The following DHODH variants were observed in gnomAD, a reference collection of about 807,000 sequenced individuals.
DHODH encodes the protein dihydroorotate dehydrogenase (quinone), also known as dihydroorotate dehydrogenase (quinone), mitochondrial.
Under a neutral mutation model 39.7 loss-of-function variants are expected in DHODH, and 30 were observed. The ratio of observed to expected loss-of-function variants is 0.76; its 90% CI spans 0.57 to 1.02. The LOEUF (loss-of-function observed/expected upper bound fraction) is 1.02. Ranked by LOEUF, DHODH falls within the 50% of genes least tolerant of loss-of-function variation. DHODH has a pLI of 0.00. For synonymous variants in DHODH, 222 were observed against 213.8 expected, an observed-to-expected ratio of 1.04 and a Z score of -0.34; for missense variants, 531 against 520.8, an observed-to-expected ratio of 1.02 and a Z score of -0.19.
chr16:72,016,762 T>C (rs2041146126), intron 3 of DHODH: 3 of 445,458 alleles, frequency 6.7e-6, no homozygotes, highest in Admixed American at 3.4e-5. Context: ...GGAGTGGGGA[T>C]CCAGCAGGTC....
In DHODH at chr16:72,021,308, C is replaced by G; in HGVS notation, c.702C>G (p.Thr234=). 6.2e-7 allele frequency: 1 copy of G among 1,602,992 alleles called. No individual in the cohort carries two copies. The highest frequency in any genetic ancestry group is 8.5e-7 in the Non-Finnish European group (1 of 1,176,878). Residue 234 remains threonine (T), a synonymous_variant, in exon 5 of 9, where the codon ACC becomes ACG. Transcript: ENST00000219240. ...AGGCCGAGCTGCGCCGCCTGCTGAC[C>G]AAGGTGGGCAGCTGCACCCCTCTCC... The part of the protein sequence containing the change: ...QGKAELRRLL[T]KVLQERDGLR...
chr16:72,026,569 C>CG lies in DHODH; in HGVS notation c.*2374dup, dbSNP rs2041277864. On this transcript the variant is annotated 3_prime_UTR_variant, in exon 9 of 9. Coordinates refer to ENST00000219240, the MANE Select transcript of DHODH (RefSeq NM_001361.5). ...CTAATTTTTGTATTTTTAGTAGAGA[C>CG]GGGGTTTCACCATATTGGCCAGGCT... The CG allele has an allele frequency of 6.6e-6, 1 of 151,802 alleles. No homozygotes were observed. The highest frequency in any genetic ancestry group is 2.4e-5 in the African/African-American group (1 of 41,270). The allele number at this position is 151,802 out of a possible 1,614,324, so 9.4% of individuals were successfully genotyped here.
intron 5 of DHODH, among the ~76,000 whole-genome samples, chr16:72,021,711 C>A (rs2041219479): frequency 6.6e-6 from 1 of 152,142 alleles, no homozygotes; most frequent in African/African-American, 2.4e-5. Flanking sequence ...GCCTGTAATA[C>A]CAGCACTATG....
chr16:72,020,329 G>GTGTA (rs1453540434), intron 4 of DHODH: 22 of 102,182 alleles, frequency 2.2e-4, no homozygotes, highest in African/African-American at 9.0e-4. Context: ...ATGTATATGT[G>GTGTA]TATATATATA....
chr16:72,009,145 T>C (rs1241523026), intron 1 of DHODH: 5 of 1,133,744 alleles, frequency 4.4e-6, no homozygotes, highest in African/African-American at 1.6e-5. Context: ...CCAACCCTTT[T>C]AGGTAAAGTT....
intron 2 of DHODH, among the ~76,000 whole-genome samples, chr16:72,013,137 C>A (rs1292488133): frequency 2.6e-5 from 4 of 151,270 alleles, no homozygotes; most frequent in African/African-American, 9.9e-5. Flanking sequence ...GCCTTCACCG[C>A]ATTTTCTCTT....
At chr16:72,017,630 T>G (rs2041156074) in intron 4 of DHODH, among the ~76,000 whole-genome samples, 1 of 152,208 alleles carries the variant, frequency 6.6e-6, no homozygotes, top group Non-Finnish European at 1.5e-5. Flanking sequence ...GAAACTCATT[T>G]TTGGTTCGGG....
chr16:72,011,892 T>C (rs972052302), intron 1 of DHODH, among the ~76,000 whole-genome samples, 158 bp from the exon 2 acceptor site: 1 of 152,196 alleles, frequency 6.6e-6, no homozygotes, highest in Non-Finnish European at 1.5e-5. Flanking sequence ...GAAGTATAGA[T>C]ACAGCCTCTG....
rs781382491 is a variant in DHODH, at chr16:72,017,058, G to T, written c.469G>T (p.Glu157Ter). The change falls in exon 4 of 9, where the codon GAA becomes TAA. Residue 157 changes from glutamate to a stop codon, truncating the protein, a stop_gained. Coordinates refer to ENST00000219240, the MANE Select transcript of DHODH (RefSeq NM_001361.5). LOFTEE classifies it high-confidence loss of function. ...TAACAGTCACGGGCTTTCAGTGGTG[G>T]AACACAGGTTACGGGCCAGACAGCA... The part of the protein sequence containing the change: ...GFNSHGLSVV[E>*]HRLRARQQKQ... 1 of 1,614,084 alleles carries T rather than the reference G, an allele frequency of 6.2e-7. No individual in the cohort carries two copies. Among genetic ancestry groups the T allele is most frequent in the South Asian group, 1.1e-5 (1 of 91,076 alleles).
intron 3 of DHODH, among the ~76,000 whole-genome samples, chr16:72,014,886 A>G (rs997290309): frequency 1.8e-4 from 28 of 152,210 alleles, no homozygotes; most frequent in African/African-American, 6.8e-4. Context: ...AGTTGGGTAG[A>G]TGGAGGCTCA....
intron 5 of DHODH, among the ~76,000 whole-genome samples, chr16:72,022,158 C>T (rs1369411490): frequency 2.0e-5 from 3 of 151,700 alleles, no homozygotes; most frequent in East Asian, 1.9e-4. Flanking sequence ...CCAATGTCCA[C>T]GGGATCCCTT....
chr16:72,023,576 C>A lies in DHODH; in HGVS notation c.1076C>A (p.Thr359Asn). The A allele has an allele frequency of 6.2e-7, 1 of 1,614,094 alleles. No individual in the cohort carries two copies. The highest frequency in any genetic ancestry group is 8.5e-7 in the Non-Finnish European group (1 of 1,180,038). Residue 359 changes from threonine (T) to asparagine (N), a missense_variant, in exon 8 of 9, where the codon ACC becomes AAC. Transcript: ENST00000219240. Reference protein sequence around the residue: ...ASLVQLYTALTFWGPPVVGKV... With the variant: ...ASLVQLYTALNFWGPPVVGKV... ...CTGGTGCAGCTGTACACGGCCCTCA[C>A]CTTCTGGGGGCCACCCGTTGTGGGC...
At chr16:72,022,841 C>T (rs956178449) in intron 6 of DHODH, among the ~76,000 whole-genome samples, 6 of 152,272 alleles carry the variant, frequency 3.9e-5, no homozygotes, top group Middle Eastern at 3.4e-3. Flanking sequence ...AGACTGAGCC[C>T]GGCCATCGTG....
At chr16:72,021,338 C>A in intron 5 of DHODH, 27 bp downstream of exon 5, 2 of 1,576,908 alleles carry the variant, frequency 1.3e-6, no homozygotes, top group Non-Finnish European at 8.6e-7. Context: ...CTCTCCAGGC[C>A]CTGTCCCACC....
At chr16:72,014,896 A>G (rs752149320) in intron 3 of DHODH, among the ~76,000 whole-genome samples, 1 of 152,218 alleles carries the variant, frequency 6.6e-6, no homozygotes, top group Non-Finnish European at 1.5e-5. Flanking sequence ...ATGGAGGCTC[A>G]TAGAGCTAAA....
Position 72,014,215 on chromosome 16 carries a change from C to T in DHODH, c.235-258C>T, listed in dbSNP as rs190868719. Among the ~76,000 whole-genome samples, 376 of 152,288 alleles carry T rather than the reference C, an allele frequency of 2.5e-3. 1 individual carries two copies. Among genetic ancestry groups the T allele is most frequent in the African/African-American group, 8.2e-3 (341 of 41,558 alleles). ...CACGGTGGAAACACCATTTCTCCCC[C>T]CAGGCTTGCTAATAATAAAGCCCCG... On this transcript the variant is annotated intron_variant, in intron 2 of 8. Transcript: ENST00000219240.
intron 2 of DHODH, 21 bp downstream of exon 2, chr16:72,012,283 ATACAT>A: frequency 6.2e-7 from 1 of 1,607,678 alleles, no homozygotes. Flanking sequence ...CAGACACCCT[ATACAT>A]TAAATACAAA....
intron 4 of DHODH, among the ~76,000 whole-genome samples, chr16:72,017,576 AC>A (rs1260223115): frequency 1.3e-5 from 2 of 152,218 alleles, no homozygotes; most frequent in Non-Finnish European, 2.9e-5. Context: ...CTCAAGGCTA[AC>A]TAATATTAGC....
At chr16:72,023,395 C>T (rs2041243883) in intron 7 of DHODH, 77 bp downstream of exon 7, 3 of 1,613,738 alleles carry the variant, frequency 1.9e-6, no homozygotes, top group Non-Finnish European at 8.5e-7. Flanking sequence ...TCATCATTCC[C>T]TAATCTGTCT....
Sources: gnomAD v4.1 joint callset for allele counts (sites outside exome capture counted in the v4.1 genomes callset) on GRCh38, gnomAD v4.1.1 for gene constraint, MANE v1.5 for transcripts, NCBI Gene and HGNC (gene_info 2026-07-23, HGNC 2026-07-21) for gene names.